The following TENM2 variants were observed in gnomAD, a reference collection of about 807,000 sequenced individuals.
TENM2 encodes teneurin-2.
A neutral mutation model predicts 245.2 loss-of-function variants in TENM2; 52 were observed. That is an observed-to-expected ratio of 0.21 (90% confidence interval 0.17 to 0.27). TENM2 has a LOEUF of 0.27. Ranked by LOEUF, TENM2 falls within the 10% of genes least tolerant of loss-of-function variation. The pLI, the probability that TENM2 is intolerant of heterozygous loss-of-function variation, is 1.00. For synonymous variants in TENM2, 1,363 were observed against 1,438.9 expected (o/e 0.95, Z 1.19); for missense variants, 3,046 against 3,666.8 (o/e 0.83, Z 4.37).
intron 9 of TENM2, among the ~76,000 whole-genome samples, chr5:168,104,367 A>G (rs1439687541): frequency 6.6e-6 from 1 of 152,156 alleles, no homozygotes; most frequent in African/African-American, 2.4e-5. Flanking sequence ...AAAGGCCCCA[A>G]GCATAAGGTC....
chr5:167,523,085 C>T (rs1195128315), intron 2 of TENM2, among the ~76,000 whole-genome samples: 1 of 152,106 alleles, frequency 6.6e-6, no homozygotes, highest in East Asian at 1.9e-4. Flanking sequence ...TCTCAGTCTC[C>T]CTCTGCCTTT....
intron 6 of TENM2, among the ~76,000 whole-genome samples, chr5:168,053,312 A>G (rs1008824382): frequency 1.3e-5 from 2 of 152,172 alleles, no homozygotes; most frequent in Admixed American, 6.5e-5. Context: ...TAAATTGCAT[A>G]GTTTCTGTTG....
chr5:168,231,685 C>T (rs1299972953), intron 25 of TENM2, among the ~76,000 whole-genome samples: 4 of 151,112 alleles, frequency 2.6e-5, no homozygotes, highest in Admixed American at 2.6e-4. Flanking sequence ...GGATCATTTT[C>T]GCCTAGGGGT....
intron 1 of TENM2, among the ~76,000 whole-genome samples, chr5:167,290,272 C>T (rs986230897): frequency 2.0e-5 from 3 of 152,048 alleles, no homozygotes; most frequent in South Asian, 2.1e-4. Flanking sequence ...TGATGGGTAC[C>T]GCTAGTGTGA....
chr5:167,959,380 AG>A (rs1356258464), intron 4 of TENM2, among the ~76,000 whole-genome samples: 1 of 152,116 alleles, frequency 6.6e-6, no homozygotes, highest in Non-Finnish European at 1.5e-5. Context: ...TATTGTTAGT[AG>A]AGACGGGGTT....
chr5:168,004,512 C>T (rs577156037), intron 5 of TENM2, among the ~76,000 whole-genome samples: 33 of 77,158 alleles, frequency 4.3e-4, no homozygotes, highest in African/African-American at 1.7e-3. Flanking sequence ...CGCATGCGCG[C>T]GCGCGCACAC....
At chr5:168,229,917 G>A (rs999576714) in intron 25 of TENM2, 1 of 152,170 alleles carries the variant, frequency 6.6e-6, no homozygotes, top group Admixed American at 6.5e-5. Flanking sequence ...TGGATTTCAG[G>A]GCTGTGTAAT....
chr5:167,519,740 T>C (rs1258818131), intron 2 of TENM2, among the ~76,000 whole-genome samples: 1 of 152,176 alleles, frequency 6.6e-6, no homozygotes, highest in Non-Finnish European at 1.5e-5. Context: ...AAAATTGAAT[T>C]CATTATTTCT....
At chr5:168,098,091 T>C (rs1793513302) in exon 9 of TENM2, 1 of 1,613,740 alleles carries the variant, frequency 6.2e-7, no homozygotes, top group Non-Finnish European at 8.5e-7. Flanking sequence ...GGTGTGTCAC[T>C]GTTTCCCAGG....
rs192704671 is a variant in TENM2, at chr5:167,372,095, A to C, written c.227-3103A>C. ...AAGATGAAAAGGTAATTTTAAAAAA[A>C]AATCAATATTGATTTTAGAGGAAAA... On this transcript the variant is annotated intron_variant, in intron 1 of 28. Coordinates refer to ENST00000518659, the Ensembl canonical transcript of TENM2. 4.6e-5 allele frequency among the ~76,000 whole-genome samples: 7 copies of C among 152,304 alleles called. No homozygotes were observed. In the East Asian group the frequency reaches 5.8e-4, roughly 13 times the overall value.
chr5:167,058,718 G>T, the TENM2 span, among the ~76,000 whole-genome samples: 1 of 152,076 alleles, frequency 6.6e-6, no homozygotes, highest in Non-Finnish European at 1.5e-5. Flanking sequence ...GCCACTGCAC[G>T]CCAGCTCAGG....
the TENM2 span, among the ~76,000 whole-genome samples, chr5:167,021,008 G>A: frequency 6.6e-6 from 1 of 152,166 alleles, no homozygotes; most frequent in Admixed American, 6.5e-5. Flanking sequence ...GCTGGGCATG[G>A]TGGCAGGTGC....
At chr5:167,279,363 C>T in the TENM2 span, among the ~76,000 whole-genome samples, 1 of 152,178 alleles carries the variant, frequency 6.6e-6, no homozygotes, top group African/African-American at 2.4e-5. Flanking sequence ...CTCCTTCTTT[C>T]TCCTCCTGGG....
intron 1 of TENM2, among the ~76,000 whole-genome samples, chr5:167,338,875 A>T (rs1366250372): frequency 1.3e-5 from 2 of 152,114 alleles, no homozygotes; most frequent in African/African-American, 4.8e-5. Flanking sequence ...AGAAAGAGAG[A>T]GTTCTGGTAT....
At chr5:168,202,555 G>T (rs1369980133) in intron 17 of TENM2, among the ~76,000 whole-genome samples, 1 of 149,836 alleles carries the variant, frequency 6.7e-6, no homozygotes, top group East Asian at 2.0e-4. Flanking sequence ...TTCATTTCTT[G>T]CTCCAGCCAT....
intron 2 of TENM2, among the ~76,000 whole-genome samples, chr5:167,572,329 C>T (rs1774322076): frequency 6.6e-6 from 1 of 152,118 alleles, no homozygotes; most frequent in Admixed American, 6.6e-5. Flanking sequence ...TTGCAAGATG[C>T]CTAGGGTCCG....
At chr5:167,634,205 A>C (rs1406250033) in intron 2 of TENM2, among the ~76,000 whole-genome samples, 1 of 152,116 alleles carries the variant, frequency 6.6e-6, no homozygotes, top group African/African-American at 2.4e-5. Flanking sequence ...TTTTGTAATG[A>C]CTGTTTGGCC....
intron 2 of TENM2, among the ~76,000 whole-genome samples, chr5:167,498,606 A>G (rs563809193): frequency 6.6e-6 from 1 of 152,236 alleles, no homozygotes; most frequent in African/African-American, 2.4e-5. Flanking sequence ...CAGCAGATAC[A>G]GGAGATAAAC....
intron 12 of TENM2, among the ~76,000 whole-genome samples, chr5:168,156,254 A>AAAAAAAC (rs1554210136): frequency 6.7e-6 from 1 of 149,650 alleles, no homozygotes; most frequent in African/African-American, 2.5e-5. Flanking sequence ...AGTTAAAAAA[A>AAAAAAAC]AAAAAAAAAA....
Sources: gnomAD v4.1 joint callset for allele counts (sites outside exome capture counted in the v4.1 genomes callset) on GRCh38, gnomAD v4.1.1 for gene constraint, MANE v1.5 for transcripts, NCBI Gene and HGNC (gene_info 2026-07-23, HGNC 2026-07-21) for gene names.